Variants in CRADD observed in about 807,000 individuals in gnomAD.
The protein encoded by CRADD is death domain-containing protein CRADD.
CRADD carries 9 observed loss-of-function variants against 15.5 expected under a neutral mutation model. That is an observed-to-expected ratio of 0.58 (90% CI 0.35 to 1.01). The LOEUF (loss-of-function observed/expected upper bound fraction) is 1.01. Ranked by LOEUF, CRADD falls within the 50% of genes least tolerant of loss-of-function variation. The pLI, the probability that CRADD is intolerant of heterozygous loss-of-function variation, is 0.02. For synonymous variants in CRADD, 118 were observed against 107.6 expected, an observed-to-expected ratio of 1.10 and a Z score of -0.60; for missense variants, 227 against 250.3, an observed-to-expected ratio of 0.91 and a Z score of 0.63.
At position 93,721,597 on chromosome 12, in the gene CRADD, A is replaced by G. The variant is rs142184608; in HGVS notation, c.298+42525A>G. Among the ~76,000 whole-genome samples the G allele has an allele frequency of 3.7e-4, 56 of 152,318 alleles. No individual in the cohort carries two copies. In the East Asian group the frequency reaches 0.011, roughly 29 times the overall value. ...CATGTACAGATGTTTTTCTCTTGTC[A>G]TTATTTTCTAAACAATACAGTATAA... On this transcript the variant is annotated intron_variant, in intron 2 of 2. Transcript: ENST00000332896.
chr12:93,836,516 A>G (rs941535621), intron 2 of CRADD, among the ~76,000 whole-genome samples: 1 of 152,200 alleles, frequency 6.6e-6, no homozygotes, highest in East Asian at 1.9e-4. Context: ...CCAGTTTGGC[A>G]TAAAAAGAGG....
At chr12:93,768,720 C>T (rs1462419344) in intron 2 of CRADD, among the ~76,000 whole-genome samples, 4 of 152,078 alleles carry the variant, frequency 2.6e-5, no homozygotes, top group Non-Finnish European at 5.9e-5. Flanking sequence ...GAAAAGTACA[C>T]AGATCCTAAG....
At chr12:93,873,475 C>T (rs1041068597) in intron 2 of CRADD, among the ~76,000 whole-genome samples, 3 of 152,074 alleles carry the variant, frequency 2.0e-5, no homozygotes, top group African/African-American at 7.2e-5. Context: ...TGGGCACATC[C>T]TTGTCCTGTT....
intron 2 of CRADD, among the ~76,000 whole-genome samples, chr12:93,881,477 G>T (rs1262064105): frequency 6.6e-6 from 1 of 151,618 alleles, no homozygotes; most frequent in Non-Finnish European, 1.5e-5. Flanking sequence ...CAGCTTCCAA[G>T]AAAATGGTTT....
chr12:93,748,904 C>T (rs371699995), intron 2 of CRADD, among the ~76,000 whole-genome samples: 2 of 152,212 alleles, frequency 1.3e-5, no homozygotes, highest in Non-Finnish European at 2.9e-5. Flanking sequence ...CAGGGCCTAG[C>T]AGGAGTAGCA....
At position 93,865,824 on chromosome 12, in the gene CRADD, A is replaced by T. The variant is rs1369614681; in HGVS notation, c.299-28226A>T. 5.3e-5 allele frequency among the ~76,000 whole-genome samples: 8 copies of T among 151,858 alleles called. No homozygotes were observed. The South Asian group carries it at 6.2e-4, about 12-fold the overall frequency. ...GTATTATTGTTATTGTTGTATTGTT[A>T]TTTTTTTCAGTATATTTTTGATTCA... On this transcript the variant is annotated intron_variant, in intron 2 of 2. Coordinates refer to the CRADD transcript ENST00000548483.
In CRADD at chr12:93,850,184, C is replaced by T. The variant is rs575529975; in HGVS notation, c.513C>T (p.Phe171=). The T allele has an allele frequency of 1.1e-5, 18 of 1,613,686 alleles. No homozygotes were observed. Among genetic ancestry groups the T allele is most frequent in the African/African-American group, 4.0e-5 (3 of 75,010 alleles). Reference sequence around the variant, plus strand: ...CCTTCATCCGTTGGCGGCAGCGCTTCGGGAAGCAGGCCACCTTCCAGAGCC... The same window carrying T: ...CCTTCATCCGTTGGCGGCAGCGCTTTGGGAAGCAGGCCACCTTCCAGAGCC... ...VEAFIRWRQR[F]GKQATFQSLH... Residue 171 remains phenylalanine, a synonymous_variant, in exon 3 of 3, where the codon TTC becomes TTT. Coordinates refer to ENST00000332896, the MANE Select transcript of CRADD (RefSeq NM_003805.5). The surrounding 1 kb of genome is among the most constrained non-coding windows in gnomAD (Gnocchi z 4.0).
chr12:93,718,410 G>A (rs1377358612), intron 2 of CRADD, among the ~76,000 whole-genome samples: 2 of 152,080 alleles, frequency 1.3e-5, no homozygotes, highest in Non-Finnish European at 2.9e-5. Flanking sequence ...GATCTTTGGG[G>A]GGGTGCTAAT....
chr12:93,838,071 T>C (rs1957995252), intron 2 of CRADD: 1 of 152,140 alleles, frequency 6.6e-6, no homozygotes, highest in African/African-American at 2.4e-5. Context: ...TTCTTTGGAG[T>C]GGGTTTCACT....
chr12:93,728,021 T>C (rs191492207), intron 2 of CRADD, among the ~76,000 whole-genome samples: 101 of 152,310 alleles, frequency 6.6e-4, no homozygotes, highest in Non-Finnish European at 1.1e-3. Context: ...ATGCAACTTG[T>C]TTATCTGCCC....
intron 2 of CRADD, among the ~76,000 whole-genome samples, chr12:93,879,779 C>G (rs1266782304): frequency 6.6e-6 from 1 of 152,178 alleles, no homozygotes; most frequent in Non-Finnish European, 1.5e-5. Flanking sequence ...ACTCAGAGAG[C>G]CTGGGAGCAA....
rs73361563 is a variant in CRADD at position 93,738,037 on chromosome 12, G to A, written c.298+58965G>A. Among the ~76,000 whole-genome samples, 4,070 of 152,134 alleles carry A rather than the reference G, an allele frequency of 0.027. 160 individuals carry two copies. Among genetic ancestry groups the A allele is most frequent in the African/African-American group, 0.09 (3,721 of 41,462 alleles). The stretch of plus-strand genomic sequence containing the variant: ...GATGAGAGTATTCCAAAGGCAAGCA[G>A]GAGAGTTTCATAAACAGGTCCCTTT... On this transcript the variant is annotated intron_variant, in intron 2 of 2. Coordinates refer to ENST00000332896, the MANE Select transcript of CRADD (RefSeq NM_003805.5).
chr12:93,726,383 C>T (rs541056601), intron 2 of CRADD, among the ~76,000 whole-genome samples: 1 of 152,138 alleles, frequency 6.6e-6, no homozygotes, highest in Admixed American at 6.5e-5. Context: ...GGATTATAGG[C>T]ATAAGCCCCA....
chr12:93,738,530 T>G (rs987745507), intron 2 of CRADD: 6 of 699,132 alleles, frequency 8.6e-6, no homozygotes. Flanking sequence ...AATCCTTCTC[T>G]TGGAAGAAAC....
intron 2 of CRADD, among the ~76,000 whole-genome samples, chr12:93,758,118 T>A (rs568787092): frequency 6.6e-6 from 1 of 152,374 alleles, no homozygotes; most frequent in African/African-American, 2.4e-5. Flanking sequence ...GAAATGTCAG[T>A]TAATCCTCAT....
rs1023047162 is a variant in CRADD, at chr12:93,850,593, A to C, written c.*322A>C. ...TCAAAATATATATCCATATATATAT[A>C]TATCCATATATATATCTCATGTCAT... On this transcript the variant is annotated 3_prime_UTR_variant, in exon 3 of 3. Transcript: ENST00000332896. This position sits in a 1 kb window ranked among gnomAD's most constrained non-coding sequence, Gnocchi z 4.0. 1 of 886,536 alleles carries C rather than the reference A, an allele frequency of 1.1e-6. No homozygotes were observed. The highest frequency in any genetic ancestry group is 1.4e-6 in the Non-Finnish European group (1 of 734,572). 54.9% of individuals were successfully genotyped at this position (886,536 alleles called of 1,614,324 possible). A position where few individuals can be genotyped will look rare whatever the true frequency, so the allele number is the denominator to read the frequency against.
intron 2 of CRADD, among the ~76,000 whole-genome samples, chr12:93,828,538 CAT>C (rs1206208636): frequency 1.3e-5 from 2 of 152,314 alleles, no homozygotes; most frequent in East Asian, 1.9e-4. Flanking sequence ...TGTGTATGCA[CAT>C]GTGTGCTTGT....
At chr12:93,710,749 G>A (rs1956051145) in intron 2 of CRADD, among the ~76,000 whole-genome samples, 1 of 152,092 alleles carries the variant, frequency 6.6e-6, no homozygotes, top group African/African-American at 2.4e-5. Flanking sequence ...CAAAGGGAGG[G>A]GAAGTAAATG....
At chr12:93,825,769 A>C (rs1298188874) in intron 2 of CRADD, among the ~76,000 whole-genome samples, 1 of 152,228 alleles carries the variant, frequency 6.6e-6, no homozygotes, top group African/African-American at 2.4e-5. Context: ...ACACCAAAAA[A>C]GGGCAAGCAG....
Sources: gnomAD v4.1 joint callset for allele counts (sites outside exome capture counted in the v4.1 genomes callset) on GRCh38, gnomAD v4.1.1 for gene constraint, Gnocchi (gnomAD v3.1) non-coding constraint, MANE v1.5 for transcripts, NCBI Gene and HGNC (gene_info 2026-07-23, HGNC 2026-07-21) for gene names.